Variants in MAPK10 observed in about 807,000 individuals in gnomAD.
The protein encoded by MAPK10 is JNK3 alpha protein kinase.
In MAPK10, 25 loss-of-function variants were observed where a neutral mutation model predicts 59.3. The observed-to-expected ratio is 0.42, with a 90% confidence interval of 0.31 to 0.59. The LOEUF is 0.59. Ranked by LOEUF, MAPK10 falls within the 20% of genes least tolerant of loss-of-function variation. MAPK10 has a pLI of 0.15. For synonymous variants in MAPK10, 190 were observed against 200.5 expected, an observed-to-expected ratio of 0.95 and a Z score of 0.44; for missense variants, 351 against 568.9, an observed-to-expected ratio of 0.62 and a Z score of 3.90.
chr4:86,299,966 C>T (rs2095438434), intron 2 of MAPK10, among the ~76,000 whole-genome samples: 2 of 152,082 alleles, frequency 1.3e-5, no homozygotes, highest in Admixed American at 6.5e-5. Flanking sequence ...AATCTCTGCT[C>T]ACTGCAACCT....
At chr4:86,063,118 G>C (rs1178060956) in intron 11 of MAPK10, among the ~76,000 whole-genome samples, 1 of 152,132 alleles carries the variant, frequency 6.6e-6, no homozygotes, top group African/African-American at 2.4e-5. Context: ...AATGCTTAAA[G>C]ATTGGGTTAC....
intron 4 of MAPK10, among the ~76,000 whole-genome samples, chr4:86,143,828 T>C (rs1039222113): frequency 4.6e-5 from 7 of 152,314 alleles, no homozygotes; most frequent in Admixed American, 1.3e-4. Context: ...TACAACATCT[T>C]ATTAATACAC....
intron 2 of MAPK10, among the ~76,000 whole-genome samples, chr4:86,303,307 C>A (rs2095503459): frequency 6.6e-6 from 1 of 152,182 alleles, no homozygotes; most frequent in Non-Finnish European, 1.5e-5. Flanking sequence ...CCCTTATCAA[C>A]AATTGCTAAA....
At chr4:86,239,927 T>G (rs1337767926) in intron 2 of MAPK10, among the ~76,000 whole-genome samples, 1 of 152,172 alleles carries the variant, frequency 6.6e-6, no homozygotes, top group Admixed American at 6.5e-5. Context: ...TCTCTAGCTC[T>G]TTTAATTGTG....
At chr4:86,502,409 C>A (rs1564957162) in intron 1 of MAPK10, among the ~76,000 whole-genome samples, 1 of 152,048 alleles carries the variant, frequency 6.6e-6, no homozygotes, top group Non-Finnish European at 1.5e-5. Context: ...CTACTGAATT[C>A]TCCAAAGTAA....
At chr4:86,297,225 G>A (rs2095381609) in intron 2 of MAPK10, among the ~76,000 whole-genome samples, 2 of 152,156 alleles carry the variant, frequency 1.3e-5, no homozygotes, top group Admixed American at 1.3e-4. Context: ...TTTAAATCTG[G>A]TTGGTAATTT....
At chr4:86,245,310 A>AT in intron 2 of MAPK10, among the ~76,000 whole-genome samples, 1 of 137,142 alleles carries the variant, frequency 7.3e-6, no homozygotes, top group African/African-American at 3.1e-5. Flanking sequence ...CACAAGTGCC[A>AT]ATTTTTTTTT....
intron 2 of MAPK10, among the ~76,000 whole-genome samples, chr4:86,315,932 T>G (rs2095776900): frequency 6.6e-6 from 1 of 152,204 alleles, no homozygotes; most frequent in East Asian, 1.9e-4. Context: ...ATTACTTTCT[T>G]CCCCAAAGCA....
At position 86,240,951 on chromosome 4, in the gene MAPK10, T is replaced by C. The variant is rs144983311; in HGVS notation, c.-6-46544A>G. On this transcript the variant is annotated intron_variant, in intron 2 of 13. Transcript: ENST00000641462. ...AGTGTCATTGGTCTTTATATTTTGG[T>C]GTGTTTTTGCAGTGGCTTGTCCTGG... Among the ~76,000 whole-genome samples the C allele has an allele frequency of 7.6e-3, 1,152 of 152,298 alleles. 14 individuals are homozygous for C. The highest frequency in any genetic ancestry group is 0.026 in the African/African-American group (1,074 of 41,566).
Position 86,017,917 on chromosome 4 carries a change from T to C in MAPK10, c.1253-547A>G, listed in dbSNP as rs1226054014. Among the ~76,000 whole-genome samples, 2 of 152,142 alleles carry C rather than the reference T, an allele frequency of 1.3e-5. No homozygotes were observed. The highest frequency in any genetic ancestry group is 3.9e-4 in the East Asian group (2 of 5,184). ...TTTGTACTTTTAGTAGAGATGAGGT[T>C]TCAACATGTTGGCCAGAATGGTCTC... On this transcript the variant is annotated intron_variant, in intron 13 of 13. Coordinates refer to ENST00000641462, the MANE Select transcript of MAPK10 (RefSeq NM_138982.4). This position sits in a 1 kb window ranked among gnomAD's most constrained non-coding sequence, Gnocchi z 4.4.
chr4:86,039,276 G>A (rs542688543), intron 11 of MAPK10, among the ~76,000 whole-genome samples: 20 of 152,242 alleles, frequency 1.3e-4, no homozygotes, highest in African/African-American at 4.6e-4. Context: ...AGATGCACTG[G>A]AGAGAGAGGA....
In MAPK10 at chr4:86,015,450, G is replaced by A. The variant is rs1486732320; in HGVS notation, c.*1778C>T. ...CTTCCTGTCTTTCACTTCTTCAGGT[G>A]AAATATCACCACTCTAGTGAGCACC... On this transcript the variant is annotated 3_prime_UTR_variant, in exon 14 of 14. Transcript: ENST00000641462. The A allele has an allele frequency of 1.3e-5, 2 of 152,176 alleles. No homozygotes were observed. The highest frequency in any genetic ancestry group is 2.4e-5 in the African/African-American group (1 of 41,438). The allele number at this position is 152,176 out of a possible 1,614,324, so 9.4% of individuals were successfully genotyped here.
chr4:86,385,153 GAAAAT>G (rs1479651327), intron 1 of MAPK10, among the ~76,000 whole-genome samples: 1 of 151,654 alleles, frequency 6.6e-6, no homozygotes, highest in African/African-American at 2.4e-5. Flanking sequence ...CTCAGTTTTA[GAAAAT>G]AAAATAAATT....
At chr4:86,503,928 C>G (rs996967879) in intron 1 of MAPK10, among the ~76,000 whole-genome samples, 3 of 152,022 alleles carry the variant, frequency 2.0e-5, no homozygotes, top group African/African-American at 7.2e-5. Flanking sequence ...CAAACATGCT[C>G]CCACCTCTTG....
At chr4:86,164,573 C>A (rs530156206) in intron 3 of MAPK10, 1 of 151,882 alleles carries the variant, frequency 6.6e-6, no homozygotes, top group African/African-American at 2.4e-5. Flanking sequence ...AACCTGAAAT[C>A]AAAAAACAGG....
chr4:86,409,615 G>A (rs1014294579), intron 1 of MAPK10, among the ~76,000 whole-genome samples: 15 of 151,936 alleles, frequency 9.9e-5, no homozygotes, highest in African/African-American at 2.2e-4. Context: ...GAGGTCCTTC[G>A]CATCCCTTGT....
chr4:86,073,800 A>T (rs1247919909), intron 9 of MAPK10, among the ~76,000 whole-genome samples: 3 of 104,336 alleles, frequency 2.9e-5, no homozygotes, highest in Middle Eastern at 4.3e-3. Context: ...TGCTGAGGAG[A>T]GCTTTACTTC....
At chr4:86,139,753 A>G (rs1484051304) in intron 4 of MAPK10, among the ~76,000 whole-genome samples, 1 of 151,924 alleles carries the variant, frequency 6.6e-6, no homozygotes, top group Non-Finnish European at 1.5e-5. Context: ...GCAACATACA[A>G]AATGGGAGAA....
intron 2 of MAPK10, among the ~76,000 whole-genome samples, chr4:86,228,767 TTAAA>T (rs144470347): frequency 0.084 from 12,733 of 152,214 alleles, 1,164 homozygotes; most frequent in African/African-American, 0.23. Context: ...ATAGTAGTCA[TTAAA>T]TAAATAAATA....
Sources: allele counts gnomAD v4.1 joint callset (sites outside exome capture counted in the v4.1 genomes callset), GRCh38; gene constraint gnomAD v4.1.1; non-coding constraint Gnocchi (gnomAD v3.1); transcripts MANE v1.5; gene names NCBI Gene and HGNC (gene_info 2026-07-23, HGNC 2026-07-21).